DYNC2H1: variants seen among roughly 807,000 people sequenced by gnomAD.
The protein encoded by DYNC2H1 is dynein cytoplasmic 2 heavy chain 1.
In DYNC2H1, 410 loss-of-function variants were observed where a neutral mutation model predicts 570.0. That is an observed-to-expected ratio of 0.72 (90% CI 0.66 to 0.78). The LOEUF is 0.78. Among genes scored for constraint, DYNC2H1 ranks in the 30% least tolerant of loss-of-function variants. DYNC2H1 has a pLI of 0.00. For missense variants in DYNC2H1, 4,865 were observed against 5,046.4 expected, an observed-to-expected ratio of 0.96 and a Z score of 1.09; for synonymous variants, 1,688 against 1,677.6, an observed-to-expected ratio of 1.01 and a Z score of -0.15.
chr11:103,267,958 TA>T lies in DYNC2H1; in HGVS notation c.10695+7982del, dbSNP rs768562230. Among the ~76,000 whole-genome samples, 4 of 152,208 alleles carry T rather than the reference TA, an allele frequency of 2.6e-5. No individual in the cohort carries two copies. In the East Asian group the frequency reaches 7.7e-4, roughly 29 times the overall value. ...TTAGTGACTGTGTGCTATTTTATAATATGACCATGTACTACTTCATCTACTA... is the reference window on the plus strand; with the variant it reads ...TTAGTGACTGTGTGCTATTTTATAATTGACCATGTACTACTTCATCTACTA... On this transcript the variant is annotated intron_variant, in intron 70 of 88. Transcript: ENST00000375735.
At position 103,203,640 on chromosome 11, in the gene DYNC2H1, A is replaced by G. The variant is rs115053471; in HGVS notation, c.8198-23A>G. On this transcript the variant is annotated intron_variant, in intron 50 of 88. Transcript: ENST00000375735. The surrounding 1 kb of genome is among the most constrained non-coding windows in gnomAD (Gnocchi z 4.7). ...AGCATCATTTATTAAAATGTTTTCA[A>G]TTAGTCTAATATTTTTCTGTAGGTG... 9.8e-4 allele frequency: 1,406 copies of G among 1,430,626 alleles called. 8 individuals are homozygous for G. In the African/African-American group the frequency reaches 0.018, roughly 18 times the overall value. 88.6% of individuals were successfully genotyped at this position (1,430,626 alleles called of 1,614,324 possible). A position where few individuals can be genotyped will look rare whatever the true frequency, so the allele number is the denominator to read the frequency against.
At position 103,254,164 on chromosome 11, in the gene DYNC2H1, CTCA is replaced by C. The variant is rs1432731793; in HGVS notation, c.10206+720_10206+722del. 5.3e-5 allele frequency among the ~76,000 whole-genome samples: 8 copies of C among 152,188 alleles called. No homozygotes were observed. The highest frequency in any genetic ancestry group is 6.8e-3 in the Middle Eastern group (2 of 294). ...AAATATTTCTTTGTATACCATATGA[CTCA>C]TCAAGTATATTTTAATGAACAATAT... On this transcript the variant is annotated intron_variant, in intron 66 of 88. Coordinates refer to ENST00000375735, the MANE Select transcript of DYNC2H1 (RefSeq NM_001377.3). This position sits in a 1 kb window ranked among gnomAD's most constrained non-coding sequence, Gnocchi z 4.9.
At chr11:103,401,266 T>C (rs1392412339) in intron 84 of DYNC2H1, among the ~76,000 whole-genome samples, 1 of 152,198 alleles carries the variant, frequency 6.6e-6, no homozygotes, top group African/African-American at 2.4e-5. Flanking sequence ...GCTTCAAATT[T>C]ATGTATCAAA....
chr11:103,251,906 T>C (rs2135249678), intron 65 of DYNC2H1, among the ~76,000 whole-genome samples: 1 of 152,156 alleles, frequency 6.6e-6, no homozygotes, highest in African/African-American at 2.4e-5. Context: ...TGTATACACA[T>C]CATGTTTTCT....
chr11:103,475,356 T>G (rs913334620), intron 88 of DYNC2H1, among the ~76,000 whole-genome samples: 49 of 152,170 alleles, frequency 3.2e-4, no homozygotes, highest in African/African-American at 1.2e-3. Context: ...TTTAGTTTCA[T>G]CCAAATACTT....
intron 75 of DYNC2H1, among the ~76,000 whole-genome samples, chr11:103,294,093 A>G (rs1225300005): frequency 6.6e-6 from 1 of 152,200 alleles, no homozygotes; most frequent in Non-Finnish European, 1.5e-5. Flanking sequence ...TTTCTCTGAT[A>G]TAATTCTGAT....
At chr11:103,420,653 G>C (rs11820317) in intron 84 of DYNC2H1, among the ~76,000 whole-genome samples, 2,503 of 152,188 alleles carry the variant, frequency 0.016, 74 homozygotes, top group African/African-American at 0.057. Context: ...GAAGAAATAA[G>C]ATCCTTTTCA....
chr11:103,283,856 G>T (rs1189801676), intron 73 of DYNC2H1, among the ~76,000 whole-genome samples: 3 of 151,908 alleles, frequency 2.0e-5, no homozygotes, highest in Non-Finnish European at 4.4e-5. Context: ...AAAGGGGGGG[G>T]AATTCTGCTA....
In DYNC2H1 at chr11:103,326,774, G is replaced by T. The variant is rs997026027; in HGVS notation, c.12039+2784G>T. ...ACAGATGTGCCCCAATCCTGTGGGG[G>T]AAGCCAGCCTGCTGTCTCTTGGCCT... is the stretch of plus-strand genomic sequence containing the variant. On this transcript the variant is annotated intron_variant, in intron 82 of 88. Coordinates refer to ENST00000375735, the MANE Select transcript of DYNC2H1 (RefSeq NM_001377.3). The surrounding 1 kb of genome is among the most constrained non-coding windows in gnomAD (Gnocchi z 6.1). Among the ~76,000 whole-genome samples the T allele has an allele frequency of 2.0e-5, 3 of 152,208 alleles. No individual in the cohort carries two copies. The highest frequency in any genetic ancestry group is 7.2e-5 in the African/African-American group (3 of 41,466).
chr11:103,118,071 A>C (rs1405498741), intron 6 of DYNC2H1, among the ~76,000 whole-genome samples: 1 of 152,066 alleles, frequency 6.6e-6, no homozygotes, highest in Admixed American at 6.5e-5. Context: ...TTGTGAGCTT[A>C]TATTTTGTTT....
At position 103,241,104 on chromosome 11, in the gene DYNC2H1, A is replaced by C. The variant is rs1864407785; in HGVS notation, c.9820-2589A>C. Among the ~76,000 whole-genome samples, 1 of 152,154 alleles carries C rather than the reference A, an allele frequency of 6.6e-6. No homozygotes were observed. On this transcript the variant is annotated intron_variant, in intron 63 of 88. Coordinates refer to ENST00000375735, the MANE Select transcript of DYNC2H1 (RefSeq NM_001377.3). This position sits in a 1 kb window ranked among gnomAD's most constrained non-coding sequence, Gnocchi z 5.1. ...GTTTGACTTGAACTGTTTTCTAGCC[A>C]TAACTTCACCTATCATCCTTCAGTA...
chr11:103,300,180 TTTGTTCCTTTTTGAACTGCAAG>T (rs1413891377), intron 75 of DYNC2H1, among the ~76,000 whole-genome samples: 2 of 152,080 alleles, frequency 1.3e-5, no homozygotes. Flanking sequence ...CGGGAGTCAA[TTTGTTCCTTTTTGAACTGCAAG>T]TTGTTTCTTT....
At position 103,135,968 on chromosome 11, in the gene DYNC2H1, C is replaced by A; in HGVS notation, c.2574+20C>A. On this transcript the variant is annotated intron_variant, in intron 17 of 88. Coordinates refer to ENST00000375735, the MANE Select transcript of DYNC2H1 (RefSeq NM_001377.3). ...CATAAGGTATAGAACATGTAATGTT[C>A]CATCCTTCCATCATAAAATTATTTC... The A allele has an allele frequency of 1.3e-6, 2 of 1,496,962 alleles. No homozygotes were observed. The highest frequency in any genetic ancestry group is 1.4e-5 in the South Asian group (1 of 71,050). 92.7% of individuals were successfully genotyped at this position (1,496,962 alleles called of 1,614,324 possible). A position where few individuals can be genotyped will look rare whatever the true frequency, so the allele number is the denominator to read the frequency against.
Position 103,241,096 on chromosome 11 carries a change from T to C in DYNC2H1, c.9820-2597T>C, listed in dbSNP as rs1864407289. Reference sequence around the variant, plus strand: ...TTGTCTTAGTTTGACTTGAACTGTTTTCTAGCCATAACTTCACCTATCATC... The same window carrying C: ...TTGTCTTAGTTTGACTTGAACTGTTCTCTAGCCATAACTTCACCTATCATC... On this transcript the variant is annotated intron_variant, in intron 63 of 88. Transcript: ENST00000375735. This position sits in a 1 kb window ranked among gnomAD's most constrained non-coding sequence, Gnocchi z 5.1. Among the ~76,000 whole-genome samples the C allele has an allele frequency of 6.6e-6, 1 of 152,202 alleles. No homozygotes were observed. The highest frequency in any genetic ancestry group is 2.4e-5 in the African/African-American group (1 of 41,450).
At chr11:103,475,488 T>C (rs931802482) in intron 88 of DYNC2H1, among the ~76,000 whole-genome samples, 11 of 152,204 alleles carry the variant, frequency 7.2e-5, no homozygotes, top group Non-Finnish European at 1.5e-4. Flanking sequence ...ATTGTGCTAA[T>C]ATAATAGTGA....
intron 70 of DYNC2H1, among the ~76,000 whole-genome samples, chr11:103,269,625 A>G (rs1467745342): frequency 6.6e-6 from 1 of 152,226 alleles, no homozygotes; most frequent in Non-Finnish European, 1.5e-5. Context: ...ACTAAAACAC[A>G]TAAAGAAAGC....
Position 103,264,016 on chromosome 11 carries a change from AG to A in DYNC2H1, c.10695+4043del, listed in dbSNP as rs1331083798. 2.0e-5 allele frequency among the ~76,000 whole-genome samples: 3 copies of A among 152,142 alleles called. No individual in the cohort carries two copies. The highest frequency in any genetic ancestry group is 4.4e-5 in the Non-Finnish European group (3 of 68,026). On this transcript the variant is annotated intron_variant, in intron 70 of 88. Coordinates refer to ENST00000375735, the MANE Select transcript of DYNC2H1 (RefSeq NM_001377.3). The surrounding 1 kb of genome is among the most constrained non-coding windows in gnomAD (Gnocchi z 4.8). ...AAATAGATGCAATAAAAAATGATAA[AG>A]GGGATATCACCACCGATCCCACAGA...
Position 103,241,472 on chromosome 11 carries a change from T to C in DYNC2H1, c.9820-2221T>C. On this transcript the variant is annotated intron_variant, in intron 63 of 88. Coordinates refer to ENST00000375735, the MANE Select transcript of DYNC2H1 (RefSeq NM_001377.3). This position sits in a 1 kb window ranked among gnomAD's most constrained non-coding sequence, Gnocchi z 5.1. ...CTTTGAAAAACTTAAGCATGTTTTC[T>C]TTGCTAAAAACATTTTGAAATGTTA... The C allele has an allele frequency of 6.6e-7, 1 of 1,519,702 alleles. No homozygotes were observed. 94.1% of individuals were successfully genotyped at this position (1,519,702 alleles called of 1,614,324 possible).
chr11:103,160,146 A>G (rs1861026988), intron 28 of DYNC2H1, among the ~76,000 whole-genome samples: 1 of 152,100 alleles, frequency 6.6e-6, no homozygotes, highest in African/African-American at 2.4e-5. Flanking sequence ...TTGTTTATTA[A>G]TTGGTTATCA....
Sources: gnomAD v4.1 joint callset for allele counts (sites outside exome capture counted in the v4.1 genomes callset) on GRCh38, gnomAD v4.1.1 for gene constraint, Gnocchi (gnomAD v3.1) non-coding constraint, MANE v1.5 for transcripts, NCBI Gene and HGNC (gene_info 2026-07-23, HGNC 2026-07-21) for gene names.